GMPR: variants seen among roughly 807,000 people sequenced by gnomAD.
The protein encoded by GMPR is GMP reductase 1.
GMPR carries 31 observed loss-of-function variants against 38.4 expected under a neutral mutation model. The ratio of observed to expected loss-of-function variants is 0.81; its 90% CI spans 0.61 to 1.09. The LOEUF (loss-of-function observed/expected upper bound fraction) is 1.09. GMPR is among the 50% of genes least tolerant of loss of function. The probability of loss-of-function intolerance (pLI) is 0.00; values close to 1 mark genes in which losing one functional copy is unlikely to be tolerated. For synonymous variants in GMPR, 162 were observed against 173.3 expected (o/e 0.93, Z 0.51); for missense variants, 468 against 453.7 (o/e 1.03, Z -0.29).
At chr6:16,292,590 A>T (rs7740409) in intron 8 of GMPR, among the ~76,000 whole-genome samples, 1 of 152,106 alleles carries the variant, frequency 6.6e-6, no homozygotes, top group Non-Finnish European at 1.5e-5. Flanking sequence ...AGCTGGACCT[A>T]TGTTCAAGAA....
chr6:16,249,035 G>T (rs575764994), intron 2 of GMPR, among the ~76,000 whole-genome samples: 2 of 152,200 alleles, frequency 1.3e-5, no homozygotes, highest in Non-Finnish European at 2.9e-5. Context: ...TGTAGATGGG[G>T]ACATAGGTAG....
intron 7 of GMPR, among the ~76,000 whole-genome samples, chr6:16,288,879 C>A (rs544231929): frequency 6.6e-6 from 1 of 152,124 alleles, no homozygotes; most frequent in African/African-American, 2.4e-5. Context: ...CTGTATCTAG[C>A]TAATCTGGTG....
chr6:16,266,655 GAAA>G (rs1389039115), intron 4 of GMPR, among the ~76,000 whole-genome samples: 6 of 151,550 alleles, frequency 4.0e-5, no homozygotes, highest in Non-Finnish European at 8.8e-5. Flanking sequence ...ACAAAAAAAA[GAAA>G]AAATTAGCCG....
At chr6:16,267,552 G>A (rs1206274096) in intron 4 of GMPR, among the ~76,000 whole-genome samples, 1 of 152,158 alleles carries the variant, frequency 6.6e-6, no homozygotes, top group African/African-American at 2.4e-5. Flanking sequence ...GAACCCACCA[G>A]AAGGAAGAAA....
chr6:16,238,704 T>G lies in GMPR; in HGVS notation c.11T>G (p.Ile4Arg). The G allele has an allele frequency of 7.1e-7, 1 of 1,418,334 alleles. No individual in the cohort carries two copies. Among genetic ancestry groups the G allele is most frequent in the Non-Finnish European group, 9.3e-7 (1 of 1,071,502 alleles). 87.9% of individuals were successfully genotyped at this position (1,418,334 alleles called of 1,614,324 possible). A position where few individuals can be genotyped will look rare whatever the true frequency, so the allele number is the denominator to read the frequency against. The change falls in exon 1 of 9, where the codon ATA (isoleucine) becomes AGA (arginine). Residue 4 changes from isoleucine to arginine, a missense_variant. Physicochemically the swap from Ile to Arg is moderately conservative, Grantham distance 97. Coordinates refer to ENST00000259727, the MANE Select transcript of GMPR (RefSeq NM_006877.4). ...AGGAGCCGCTGCACCATGCCCCGCATAGATGCGGACCTCAAGCTCGACTTC... is the reference window on the plus strand; with the variant it reads ...AGGAGCCGCTGCACCATGCCCCGCAGAGATGCGGACCTCAAGCTCGACTTC... MPR[I>R]DADLKLDFKD... is the part of the protein sequence containing the mutation.
intron 7 of GMPR, among the ~76,000 whole-genome samples, chr6:16,289,073 TTTG>T (rs1435286679): frequency 2.0e-5 from 3 of 152,252 alleles, no homozygotes; most frequent in South Asian, 4.2e-4. Context: ...GGGAGGGTGA[TTTG>T]TTGTTTCGCT....
intron 5 of GMPR, 80 bp downstream of exon 5, chr6:16,274,576 G>A (rs1759443910): frequency 2.5e-6 from 2 of 802,422 alleles, no homozygotes; most frequent in African/African-American, 3.4e-5. Flanking sequence ...GCAGATCACT[G>A]GAGGGGATGC....
In GMPR at chr6:16,295,347, C is replaced by T. The variant is rs1759917852; in HGVS notation, c.*161C>T. The stretch of plus-strand genomic sequence containing the variant: ...GCTGCCTGGAGGCTTCGGGGCTCTC[C>T]CGCCTGCCTTCTCGGGGCCCAGACG... On this transcript the variant is annotated 3_prime_UTR_variant, in exon 9 of 9. Coordinates refer to ENST00000259727, the MANE Select transcript of GMPR (RefSeq NM_006877.4). 1 of 525,118 alleles carries T rather than the reference C, an allele frequency of 1.9e-6. No homozygotes were observed. The highest frequency in any genetic ancestry group is 3.1e-6 in the Non-Finnish European group (1 of 321,388). 32.5% of individuals were successfully genotyped at this position (525,118 alleles called of 1,614,324 possible). A position where few individuals can be genotyped will look rare whatever the true frequency, so the allele number is the denominator to read the frequency against.
At chr6:16,284,687 G>A (rs1759640866) in intron 6 of GMPR, among the ~76,000 whole-genome samples, 1 of 152,150 alleles carries the variant, frequency 6.6e-6, no homozygotes, top group Non-Finnish European at 1.5e-5. Context: ...GGAATAGCAG[G>A]TAGCAGCCTG....
Position 16,295,258 on chromosome 6 carries a change from T to C in GMPR, c.*72T>C, listed in dbSNP as rs560769679. On this transcript the variant is annotated 3_prime_UTR_variant, in exon 9 of 9. Transcript: ENST00000259727. ...TGCTTTTCCCATCTCCCCCCAAGTC[T>C]GTTCCGTCAGAGCTTCTGGCTGCTC... is the stretch of plus-strand genomic sequence containing the variant. The C allele has an allele frequency of 1.7e-6, 2 of 1,166,662 alleles. No homozygotes were observed. Among genetic ancestry groups the C allele is most frequent in the Non-Finnish European group, 2.3e-6 (2 of 857,616 alleles). 72.3% of individuals were successfully genotyped at this position (1,166,662 alleles called of 1,614,324 possible). A position where few individuals can be genotyped will look rare whatever the true frequency, so the allele number is the denominator to read the frequency against.
In GMPR at chr6:16,254,548, T is replaced by A. The variant is rs1407322017; in HGVS notation, c.292-14T>A. 5 of 1,611,138 alleles carry A rather than the reference T, an allele frequency of 3.1e-6. No individual in the cohort carries two copies. The highest frequency in any genetic ancestry group is 1.3e-5 in the African/African-American group (1 of 74,870). ...TACTGTTTATGCCTGTCTTCTTGGT[T>A]TATTTTGGTGCAGAATGTAGCCGTG... On this transcript the variant is annotated splice_polypyrimidine_tract_variant and intron_variant, in intron 3 of 8. Transcript: ENST00000259727.
chr6:16,285,018 A>G (rs1046384419), intron 6 of GMPR, among the ~76,000 whole-genome samples: 3 of 110,942 alleles, frequency 2.7e-5, no homozygotes, highest in Admixed American at 9.3e-5. Context: ...AGACTGTCTC[A>G]AAAAAAAAAA....
intron 3 of GMPR, among the ~76,000 whole-genome samples, chr6:16,253,861 G>A (rs961421665): frequency 6.6e-6 from 1 of 152,074 alleles, no homozygotes; most frequent in Non-Finnish European, 1.5e-5. Flanking sequence ...TTTGGTTCTT[G>A]CTTATTGTCC....
intron 6 of GMPR, among the ~76,000 whole-genome samples, chr6:16,282,466 A>G (rs1009218418): frequency 2.0e-5 from 3 of 152,282 alleles, no homozygotes; most frequent in African/African-American, 7.2e-5. Flanking sequence ...AAGTATTAGC[A>G]GTAATGCTAT....
At chr6:16,240,839 G>C (rs564179301) in intron 1 of GMPR, among the ~76,000 whole-genome samples, 3 of 152,086 alleles carry the variant, frequency 2.0e-5, no homozygotes, top group Non-Finnish European at 2.9e-5. Flanking sequence ...TTTTATGTTC[G>C]TGGGAGTTTG....
chr6:16,292,250 C>T (rs1386087789), intron 8 of GMPR, among the ~76,000 whole-genome samples: 1 of 151,966 alleles, frequency 6.6e-6, no homozygotes, highest in Non-Finnish European at 1.5e-5. Flanking sequence ...AAGGTTCATA[C>T]CAAGCTAGCA....
chr6:16,295,152 G>A lies in GMPR; in HGVS notation c.1004G>A (p.Arg335Gln), dbSNP rs748264162. 10 of 1,554,678 alleles carry A rather than the reference G, an allele frequency of 6.4e-6. No individual in the cohort carries two copies. The highest frequency in any genetic ancestry group is 1.8e-4 in the Middle Eastern group (1 of 5,666). The change falls in exon 9 of 9, where the codon CGG becomes CAG. Residue 335 changes from arginine (R) to glutamine (Q), a missense_variant. Physicochemically the swap from Arg to Gln is conservative, Grantham distance 43 (BLOSUM62 1). Coordinates refer to ENST00000259727, the MANE Select transcript of GMPR (RefSeq NM_006877.4). The stretch of plus-strand genomic sequence containing the variant: ...CTCAGCAGGAGGGCAACATTCATCC[G>A]GGTGACCCAGCAGCACAACACCGTG... ...KELSRRATFI[R>Q]VTQQHNTVFS
chr6:16,278,844 T>C lies in GMPR; in HGVS notation c.608T>C (p.Ile203Thr), dbSNP rs1759525192. The C allele has an allele frequency of 1.9e-6, 3 of 1,614,084 alleles. No homozygotes were observed. The highest frequency in any genetic ancestry group is 1.1e-5 in the South Asian group (1 of 91,082). ...GVGYPQLSAV[I>T]ECADSAHGLK... ...GGGTACCCCCAGCTGAGTGCCGTCATTGAGTGTGCCGACTCTGCCCATGGC... is the reference window on the plus strand; with the variant it reads ...GGGTACCCCCAGCTGAGTGCCGTCACTGAGTGTGCCGACTCTGCCCATGGC... The change falls in exon 6 of 9, where the codon ATT becomes ACT. Residue 203 changes from isoleucine to threonine, a missense_variant. Transcript: ENST00000259727.
chr6:16,284,222 T>C (rs972455924), intron 6 of GMPR, among the ~76,000 whole-genome samples: 4 of 152,190 alleles, frequency 2.6e-5, no homozygotes, highest in African/African-American at 9.7e-5. Context: ...TGATCAGAGC[T>C]GCAAAGAAGT....
Sources: allele counts gnomAD v4.1 joint callset (sites outside exome capture counted in the v4.1 genomes callset), GRCh38; gene constraint gnomAD v4.1.1; transcripts MANE v1.5; gene names NCBI Gene and HGNC (gene_info 2026-07-23, HGNC 2026-07-21).